The following TET1 variants were observed in gnomAD, a reference collection of about 807,000 sequenced individuals.
The protein encoded by TET1 is methylcytosine dioxygenase TET1.
Under a neutral mutation model 148.7 loss-of-function variants are expected in TET1, and 13 were observed. The observed-to-expected ratio is 0.09, with a 90% CI of 0.06 to 0.14. The LOEUF (loss-of-function observed/expected upper bound fraction) is 0.14, where lower values mean the gene tolerates loss of function less well. Ranked by LOEUF, TET1 falls within the 10% of genes least tolerant of loss-of-function variation. TET1 has a pLI of 1.00. For missense variants in TET1, 2,182 were observed against 2,553.8 expected (o/e 0.85, Z 3.14); for synonymous variants, 907 against 937.2 (o/e 0.97, Z 0.59).
At chr10:68,681,958 A>T (rs1589133035) in intron 9 of TET1, among the ~76,000 whole-genome samples, 1 of 85,796 alleles carries the variant, frequency 1.2e-5, no homozygotes, top group African/African-American at 3.8e-5. Flanking sequence ...ACAGAGCAAG[A>T]CTCTGTCTCA....
Position 68,693,022 on chromosome 10 carries a change from C to T in TET1, c.*1208C>T, listed in dbSNP as rs2133256217. 1 of 230,182 alleles carries T rather than the reference C, an allele frequency of 4.3e-6. No homozygotes were observed. Among genetic ancestry groups the T allele is most frequent in the East Asian group, 6.1e-5 (1 of 16,294 alleles). 14.3% of individuals were successfully genotyped at this position (230,182 alleles called of 1,614,324 possible). A position where few individuals can be genotyped will look rare whatever the true frequency, so the allele number is the denominator to read the frequency against. ...TGCCTCCCCAACCCCAAGTCAAAAA[C>T]AAGAGGAATGGTACTACAAACATGG... is the stretch of plus-strand genomic sequence containing the variant. On this transcript the variant is annotated 3_prime_UTR_variant, in exon 12 of 12. Transcript: ENST00000373644.
chr10:68,596,525 G>A (rs1312592471), intron 2 of TET1, among the ~76,000 whole-genome samples: 1 of 152,092 alleles, frequency 6.6e-6, no homozygotes, highest in South Asian at 2.1e-4. Flanking sequence ...CTGGGCTTAA[G>A]TGATCCTTCA....
intron 2 of TET1, among the ~76,000 whole-genome samples, chr10:68,578,172 A>G (rs2053753880): frequency 6.6e-6 from 1 of 152,234 alleles, no homozygotes; most frequent in Non-Finnish European, 1.5e-5. Context: ...GGCTGGCAAG[A>G]GGATTGCTTG....
chr10:68,597,782 GAT>G (rs2054005209), intron 2 of TET1, among the ~76,000 whole-genome samples: 1 of 152,164 alleles, frequency 6.6e-6, no homozygotes, highest in Admixed American at 6.5e-5. Context: ...ATGAAATTCT[GAT>G]ACATTCTACA....
At position 68,693,601 on chromosome 10, in the gene TET1, A is replaced by G. The variant is rs989341832; in HGVS notation, c.*1787A>G. On this transcript the variant is annotated 3_prime_UTR_variant, in exon 12 of 12. Transcript: ENST00000373644. ...ACAAGTAGATTTCTGCTTGTTGAAT[A>G]TGTAAAATAGGGTAATTCATTGACT... 8.6e-6 allele frequency: 2 copies of G among 232,620 alleles called. No homozygotes were observed. The highest frequency in any genetic ancestry group is 5.6e-5 in the Admixed American group (1 of 17,768). The allele number at this position is 232,620 out of a possible 1,614,324, so 14.4% of individuals were successfully genotyped here.
chr10:68,624,661 TCTCTCTCTCTCTCTCTC>T (rs2054441348), intron 3 of TET1, among the ~76,000 whole-genome samples: 1 of 92,498 alleles, frequency 1.1e-5, no homozygotes, highest in African/African-American at 4.6e-5. Context: ...TCTTTCTTTC[TCTCTCTCTCTCTCTCTC>T]TCTCTCTCTC....
chr10:68,607,708 C>G (rs1057240201), intron 3 of TET1, among the ~76,000 whole-genome samples: 1 of 150,726 alleles, frequency 6.6e-6, no homozygotes. Context: ...CACCACTGCA[C>G]CTGGCCTTCT....
In TET1 at chr10:68,576,460, C is replaced by G. The variant is rs145526886; in HGVS notation, c.1914+2208C>G. On this transcript the variant is annotated intron_variant, in intron 2 of 11. Transcript: ENST00000373644. ...GGTGGACTGCTTGAGCCTAGGAGGT[C>G]GAAATCAGCCTGGGCAACATAGCAA... Among the ~76,000 whole-genome samples, 997 of 151,834 alleles carry G rather than the reference C, an allele frequency of 6.6e-3. 9 individuals carry two copies. Among genetic ancestry groups the G allele is most frequent in the Non-Finnish European group, 6.4e-3 (436 of 67,968 alleles).
In TET1 at chr10:68,666,375, C is replaced by A. The variant is rs117622377; in HGVS notation, c.4462-670C>A. On this transcript the variant is annotated intron_variant, in intron 6 of 11. Transcript: ENST00000373644. ...GCATTCCTTTGTGTATATTAATTCT[C>A]GATAGTAAAATGAGTCACCCAAAGG... is the stretch of plus-strand genomic sequence containing the variant. Among the ~76,000 whole-genome samples, 145 of 152,206 alleles carry A rather than the reference C, an allele frequency of 9.5e-4. 3 individuals carry two copies. In the East Asian group the frequency reaches 0.023, roughly 24 times the overall value.
At chr10:68,630,505 G>A (rs1344308406) in intron 3 of TET1, among the ~76,000 whole-genome samples, 1 of 152,164 alleles carries the variant, frequency 6.6e-6, no homozygotes, top group Non-Finnish European at 1.5e-5. Context: ...AGTAGAGATG[G>A]GGTTTCACCA....
At chr10:68,641,448 G>A (rs1356349776) in intron 3 of TET1, among the ~76,000 whole-genome samples, 1 of 151,154 alleles carries the variant, frequency 6.6e-6, no homozygotes, top group Non-Finnish European at 1.5e-5. Context: ...TAGTCTAGTG[G>A]TCTCCTATTC....
chr10:68,574,674 A>C (rs2053708314), intron 2 of TET1, among the ~76,000 whole-genome samples: 1 of 152,174 alleles, frequency 6.6e-6, no homozygotes, highest in South Asian at 2.1e-4. Context: ...AGCCTGAAAA[A>C]CCAGAGGAAT....
At chr10:68,657,141 C>T (rs1289163489) in intron 6 of TET1, among the ~76,000 whole-genome samples, 1 of 152,048 alleles carries the variant, frequency 6.6e-6, no homozygotes, top group African/African-American at 2.4e-5. Context: ...AGTTGGAGAC[C>T]AGCTTGGACA....
At chr10:68,563,286 G>C (rs1205892017) in intron 1 of TET1, among the ~76,000 whole-genome samples, 1 of 152,194 alleles carries the variant, frequency 6.6e-6, no homozygotes, top group Non-Finnish European at 1.5e-5. Flanking sequence ...CACTTCCTGT[G>C]GTAGAAAACT....
chr10:68,561,207 T>G (rs879684016), intron 1 of TET1, among the ~76,000 whole-genome samples: 1 of 150,026 alleles, frequency 6.7e-6, no homozygotes, highest in Non-Finnish European at 1.5e-5. Flanking sequence ...GAGTGGGGAG[T>G]CCGGGCTGTC....
At chr10:68,628,936 G>A (rs1007724854) in intron 3 of TET1, among the ~76,000 whole-genome samples, 2 of 152,086 alleles carry the variant, frequency 1.3e-5, no homozygotes, top group Admixed American at 6.6e-5. Flanking sequence ...AATTTGGGTA[G>A]GGCAGCTAAG....
At chr10:68,636,025 A>G (rs546251066) in intron 3 of TET1, among the ~76,000 whole-genome samples, 13 of 152,312 alleles carry the variant, frequency 8.5e-5, no homozygotes, top group African/African-American at 3.1e-4. Context: ...TTAAGAAATG[A>G]TTGAATCTGA....
intron 6 of TET1, among the ~76,000 whole-genome samples, chr10:68,654,125 A>AAT (rs1564494274): frequency 6.8e-6 from 1 of 147,658 alleles, no homozygotes; most frequent in East Asian, 2.0e-4. Flanking sequence ...AAAAAAAAAA[A>AAT]GCATGGATTG....
At chr10:68,658,552 T>C (rs142612272) in intron 6 of TET1, among the ~76,000 whole-genome samples, 83 of 152,342 alleles carry the variant, frequency 5.4e-4, no homozygotes, top group Non-Finnish European at 8.8e-4. Context: ...GCCATTCTTA[T>C]GTTGTTTTGC....
Sources: allele counts gnomAD v4.1 joint callset (sites outside exome capture counted in the v4.1 genomes callset), GRCh38; gene constraint gnomAD v4.1.1; transcripts MANE v1.5; gene names NCBI Gene and HGNC (gene_info 2026-07-23, HGNC 2026-07-21).